SMG1: variants seen among roughly 807,000 people sequenced by gnomAD.
SMG1 encodes serine/threonine-protein kinase SMG1.
A neutral mutation model predicts 419.9 loss-of-function variants in SMG1; 22 were observed. The ratio of observed to expected loss-of-function variants is 0.05; its 90% CI spans 0.04 to 0.07. The LOEUF is 0.07. Among genes scored for constraint, SMG1 ranks in the 10% least tolerant of loss-of-function variants. SMG1 has a pLI of 1.00. For missense variants in SMG1, 3,185 were observed against 4,342.0 expected (o/e 0.73, Z 7.49); for synonymous variants, 1,538 against 1,553.5 (o/e 0.99, Z 0.23).
At position 18,842,278 on chromosome 16, in the gene SMG1, C is replaced by A. The variant is rs751084575; in HGVS notation, c.6396G>T (p.Pro2132=). Residue 2132 remains proline, a synonymous_variant, in exon 40 of 63, where the codon CCG becomes CCT. Coordinates refer to ENST00000446231, the MANE Select transcript of SMG1 (RefSeq NM_015092.5). ...HSVGGTITIL[P]TKTKPKKLLF... is the part of the protein sequence containing the mutation. ...GAAGTTTCTTTGGCTTGGTTTTAGT[C>A]GGTAAGATTGTGATGGTTCCGCCCA... is the stretch of plus-strand genomic sequence containing the variant. 2.1e-4 allele frequency: 342 copies of A among 1,613,810 alleles called. No homozygotes were observed. Among genetic ancestry groups the A allele is most frequent in the Non-Finnish European group, 3.4e-6 (4 of 1,179,890 alleles).
intron 39 of SMG1, among the ~76,000 whole-genome samples, chr16:18,843,005 G>A (rs544141467): frequency 1.1e-3 from 172 of 152,284 alleles, no homozygotes; most frequent in African/African-American, 4.0e-3. Context: ...AACATGCAGT[G>A]AAATCACAGG....
intron 62 of SMG1, among the ~76,000 whole-genome samples, chr16:18,811,005 C>G (rs981150387): frequency 6.6e-6 from 1 of 152,084 alleles, no homozygotes; most frequent in Admixed American, 6.5e-5. Context: ...TTTATATATT[C>G]AATATTAGTA....
intron 56 of SMG1, 128 bp from the exon 57 acceptor site, chr16:18,817,598 ATGTT>A (rs1292651041): frequency 2.7e-6 from 2 of 748,426 alleles, no homozygotes; most frequent in Non-Finnish European, 4.2e-6. Context: ...GGTCCTGAAA[ATGTT>A]TGGGAAATAG....
chr16:18,861,518 G>A (rs887604003), intron 25 of SMG1: 4 of 151,852 alleles, frequency 2.6e-5, no homozygotes, highest in African/African-American at 7.3e-5. Flanking sequence ...TGTCCCTCTC[G>A]CTGTGTAACT....
chr16:18,880,915 C>A (rs1368941560), intron 10 of SMG1, among the ~76,000 whole-genome samples: 1 of 150,144 alleles, frequency 6.7e-6, no homozygotes, highest in Non-Finnish European at 1.5e-5. Flanking sequence ...TCACTTGAGC[C>A]CAAGAGATAG....
At chr16:18,908,891 A>C (rs2037685544) in intron 1 of SMG1, among the ~76,000 whole-genome samples, 1 of 152,132 alleles carries the variant, frequency 6.6e-6, no homozygotes, top group Non-Finnish European at 1.5e-5. Context: ...AAAAAAAAAA[A>C]AAGAAATGTA....
At chr16:18,908,696 A>G (rs2141946333) in intron 1 of SMG1, among the ~76,000 whole-genome samples, 1 of 151,408 alleles carries the variant, frequency 6.6e-6, no homozygotes, top group African/African-American at 2.4e-5. Flanking sequence ...TGGCTAACAC[A>G]GTGAAACCCC....
chr16:18,855,717 C>G (rs1405085929), intron 29 of SMG1, among the ~76,000 whole-genome samples: 2 of 152,200 alleles, frequency 1.3e-5, no homozygotes, highest in East Asian at 3.8e-4. Flanking sequence ...TACTGCCACC[C>G]TAGTTACCCT....
intron 43 of SMG1, 29 bp downstream of exon 43, chr16:18,838,522 C>G: frequency 6.2e-7 from 1 of 1,613,914 alleles, no homozygotes; most frequent in Non-Finnish European, 8.5e-7. Context: ...ATTTGGCCCT[C>G]ATAAATGTAA....
chr16:18,919,663 C>T (rs1286307946), intron 1 of SMG1, among the ~76,000 whole-genome samples: 2,889 of 27,254 alleles, frequency 0.11, 101 homozygotes, highest in African/African-American at 0.18. Flanking sequence ...TATATACACA[C>T]ACACACACAC....
chr16:18,828,793 G>T (rs2032943585), intron 54 of SMG1, among the ~76,000 whole-genome samples: 1 of 152,210 alleles, frequency 6.6e-6, no homozygotes, highest in Non-Finnish European at 1.5e-5. Flanking sequence ...AGGCTCGGGA[G>T]TTCGAGACCA....
intron 3 of SMG1, among the ~76,000 whole-genome samples, chr16:18,894,526 C>A (rs2037029088): frequency 6.6e-6 from 1 of 152,040 alleles, no homozygotes. Context: ...TCTCAGGCTT[C>A]AAATACTCTA....
intron 37 of SMG1, 89 bp downstream of exon 37, chr16:18,847,727 C>G (rs1054017842): frequency 3.2e-6 from 5 of 1,568,518 alleles, no homozygotes; most frequent in African/African-American, 2.7e-5. Flanking sequence ...ATTGGAGAAC[C>G]CTGACCAGTG....
Position 18,845,528 on chromosome 16 carries a change from A to G in SMG1, c.6120T>C (p.Phe2040=). Residue 2040 remains phenylalanine, a synonymous_variant, in exon 39 of 63, where the codon TTT becomes TTC. Transcript: ENST00000446231. The part of the protein sequence containing the change: ...APAETPHEKW[F]QDNYGDAIEN... ...CAATGGCATCACCATAGTTATCCTG[A>G]AACCATTTTTCATGAGGTGTTTCTG... 1.9e-6 allele frequency: 3 copies of G among 1,613,936 alleles called. No individual in the cohort carries two copies. Among genetic ancestry groups the G allele is most frequent in the Non-Finnish European group, 2.5e-6 (3 of 1,179,874 alleles).
At chr16:18,907,625 G>A (rs1434189225) in intron 1 of SMG1, among the ~76,000 whole-genome samples, 7 of 151,872 alleles carry the variant, frequency 4.6e-5, no homozygotes, top group East Asian at 3.9e-4. Context: ...CGAGGCGGGC[G>A]GATCATGAGG....
At position 18,894,511 on chromosome 16, in the gene SMG1, A is replaced by AT. The variant is rs772835050; in HGVS notation, c.412+1540dup. On this transcript the variant is annotated intron_variant, in intron 3 of 62. Transcript: ENST00000446231. Reference sequence around the variant, plus strand: ...GTCGCTGTTTAGCTTCTATAATATCATAAGTCTCAGGCTTCAAATACTCTA... The same window carrying AT: ...GTCGCTGTTTAGCTTCTATAATATCATTAAGTCTCAGGCTTCAAATACTCTA... 8.3e-4 allele frequency among the ~76,000 whole-genome samples: 127 copies of AT among 152,300 alleles called. 1 individual carries two copies. The highest frequency in any genetic ancestry group is 2.5e-3 in the East Asian group (13 of 5,186).
In SMG1 at chr16:18,868,670, A is replaced by G; in HGVS notation, c.2883T>C (p.Val961=). 2 of 1,537,310 alleles carry G rather than the reference A, an allele frequency of 1.3e-6. No individual in the cohort carries two copies. Among genetic ancestry groups the G allele is most frequent in the Non-Finnish European group, 1.8e-6 (2 of 1,125,664 alleles). ...CATTGTCTGCAGTTGTCCACTGACTAACATCCTGATCAGGGTTTAATGTGT... is the reference window on the plus strand; with the variant it reads ...CATTGTCTGCAGTTGTCCACTGACTGACATCCTGATCAGGGTTTAATGTGT... ...AAHTLNPDQD[V]SQWTTADNDE... is the part of the protein sequence containing the mutation. The change falls in exon 21 of 63, where the codon GTT becomes GTC. Residue 961 remains valine, a synonymous_variant. Coordinates refer to ENST00000446231, the MANE Select transcript of SMG1 (RefSeq NM_015092.5).
chr16:18,846,535 C>CA (rs1166621272), intron 38 of SMG1, among the ~76,000 whole-genome samples: 2 of 151,926 alleles, frequency 1.3e-5, no homozygotes, highest in African/African-American at 4.8e-5. Context: ...AATAAAAAAA[C>CA]AAAAAACCCA....
Position 18,834,389 on chromosome 16 carries a change from C to G in SMG1, c.8380G>C (p.Val2794Leu), listed in dbSNP as rs757088425. ...GCTCCATCCCGAGAAGTCAGATCAA[C>G]CAGCTGTTCTCCAGCACTTGACGCT... Reference protein sequence around the residue: ...GAASSAGEQLVDLTSRDGAWF... With the variant: ...GAASSAGEQLLDLTSRDGAWF... Residue 2794 changes from valine (V) to leucine (L), a missense_variant, in exon 50 of 63, where the codon GTT becomes CTT. Val to Leu is a conservative substitution (Grantham distance 32). This residue lies in a region of SMG1 where 412 missense variants were observed against 546.6 expected (regional missense o/e 0.75). Transcript: ENST00000446231. The G allele has an allele frequency of 6.2e-7, 1 of 1,613,908 alleles. No individual in the cohort carries two copies. Among genetic ancestry groups the G allele is most frequent in the Non-Finnish European group, 8.5e-7 (1 of 1,179,870 alleles).
Sources: gnomAD v4.1 joint callset for allele counts (sites outside exome capture counted in the v4.1 genomes callset) on GRCh38, gnomAD v4.1.1 for gene constraint, gnomAD v4.1.1 regional missense constraint, MANE v1.5 for transcripts, NCBI Gene and HGNC (gene_info 2026-07-23, HGNC 2026-07-21) for gene names.